The following CLVS1 variants were observed in gnomAD, a reference collection of about 807,000 sequenced individuals.
CLVS1 encodes clavesin 1.
In CLVS1, 10 loss-of-function variants were observed where a neutral mutation model predicts 33.1. The ratio of observed to expected loss-of-function variants is 0.30; its 90% CI spans 0.19 to 0.51. The LOEUF (loss-of-function observed/expected upper bound fraction) is 0.51, where lower values mean the gene tolerates loss of function less well. CLVS1 is among the 20% of genes least tolerant of loss of function. CLVS1 has a pLI of 0.97. For synonymous variants in CLVS1, 163 were observed against 166.1 expected, an observed-to-expected ratio of 0.98 and a Z score of 0.14; for missense variants, 343 against 433.4, an observed-to-expected ratio of 0.79 and a Z score of 1.85.
At chr8:61,378,126 G>A (rs964513707) in intron 3 of CLVS1, 7 of 152,078 alleles carry the variant, frequency 4.6e-5, no homozygotes, top group Admixed American at 2.0e-4. Flanking sequence ...TATATCATGC[G>A]CTTAAATTAT....
the CLVS1 span, among the ~76,000 whole-genome samples, chr8:61,038,595 G>A: frequency 1.1e-4 from 17 of 151,994 alleles, no homozygotes; most frequent in Admixed American, 3.3e-4. Flanking sequence ...AAAAGATTCT[G>A]GATTTCCAGG....
chr8:61,053,488 C>T (rs1391437676), upstream of CLVS1, among the ~76,000 whole-genome samples: 1 of 152,208 alleles, frequency 6.6e-6, no homozygotes, highest in Non-Finnish European at 1.5e-5. Context: ...TCTAAAACGA[C>T]AGTTGGGCAT....
At chr8:61,407,816 A>T (rs1160023207) in intron 3 of CLVS1, among the ~76,000 whole-genome samples, 1 of 152,222 alleles carries the variant, frequency 6.6e-6, no homozygotes, top group Admixed American at 6.5e-5. Flanking sequence ...GAAAAGGGTG[A>T]TCAACAAGAA....
intron 5 of CLVS1, among the ~76,000 whole-genome samples, chr8:61,482,692 G>A (rs11778056): frequency 0.83 from 126,010 of 152,162 alleles, 52,518 homozygotes; most frequent in Non-Finnish European, 0.86. Context: ...GCCTCCAAGA[G>A]GTATGGGACT....
intron 2 of CLVS1, among the ~76,000 whole-genome samples, chr8:61,162,827 G>A (rs181688801): frequency 2.6e-5 from 4 of 152,058 alleles, no homozygotes; most frequent in South Asian, 2.1e-4. Flanking sequence ...TTTATATCTC[G>A]AGAGCCTGGC....
chr8:61,031,410 C>G, the CLVS1 span, among the ~76,000 whole-genome samples: 2 of 152,208 alleles, frequency 1.3e-5, no homozygotes, highest in African/African-American at 4.8e-5. Flanking sequence ...AGCTAACCTG[C>G]CTCCGTTCCC....
At chr8:61,331,926 C>G (rs1159347705) in intron 2 of CLVS1, among the ~76,000 whole-genome samples, 2 of 151,620 alleles carry the variant, frequency 1.3e-5, no homozygotes, top group African/African-American at 2.4e-5. Flanking sequence ...GTCACTGATT[C>G]CTGGCTGACA....
chr8:61,326,407 A>G (rs1397757194), intron 2 of CLVS1, among the ~76,000 whole-genome samples: 1 of 152,170 alleles, frequency 6.6e-6, no homozygotes, highest in Non-Finnish European at 1.5e-5. Context: ...GGAGAGCTTC[A>G]GGTAGTCTTT....
At chr8:61,479,056 G>C (rs145408759) in intron 5 of CLVS1, among the ~76,000 whole-genome samples, 1,701 of 152,178 alleles carry the variant, frequency 0.011, 29 homozygotes, top group African/African-American at 0.038. Flanking sequence ...ACAATTATGT[G>C]TCTTTGAGTT....
At chr8:61,091,322 C>T (rs951495547) in intron 1 of CLVS1, among the ~76,000 whole-genome samples, 3 of 152,172 alleles carry the variant, frequency 2.0e-5, no homozygotes, top group Non-Finnish European at 4.4e-5. Context: ...TTGATTTTAG[C>T]CATAGAGGAC....
rs113094566 is a variant in CLVS1, at chr8:61,385,095, G to A, written c.630+8316G>A. On this transcript the variant is annotated intron_variant, in intron 3 of 5. Transcript: ENST00000325897. Reference sequence around the variant, plus strand: ...GGCATAGAGGAAACCGGAGGAAAGGGAGCAGGAGCATGGTGGTGGAAGAAG... The same window carrying A: ...GGCATAGAGGAAACCGGAGGAAAGGAAGCAGGAGCATGGTGGTGGAAGAAG... 7.4e-3 allele frequency among the ~76,000 whole-genome samples: 1,124 copies of A among 152,258 alleles called. 7 individuals carry two copies. The highest frequency in any genetic ancestry group is 0.013 in the Non-Finnish European group (877 of 68,010).
At chr8:61,444,676 C>T (rs1314210543) in intron 3 of CLVS1, among the ~76,000 whole-genome samples, 3 of 152,120 alleles carry the variant, frequency 2.0e-5, no homozygotes, top group South Asian at 2.1e-4. Flanking sequence ...GGGAAAGCCC[C>T]GAGGTTAGTC....
At chr8:61,419,277 A>G (rs1004193655) in intron 3 of CLVS1, among the ~76,000 whole-genome samples, 1 of 151,534 alleles carries the variant, frequency 6.6e-6, no homozygotes, top group African/African-American at 2.4e-5. Flanking sequence ...GCTGCCTGTA[A>G]TCCCAGCTAC....
intron 2 of CLVS1, among the ~76,000 whole-genome samples, chr8:61,154,073 G>A (rs910802451): frequency 6.6e-6 from 1 of 152,142 alleles, no homozygotes; most frequent in African/African-American, 2.4e-5. Context: ...AGCGGCAAAA[G>A]GAAACCCAAG....
chr8:61,501,178 C>CTT lies in CLVS1; in HGVS notation c.*1639_*1640dup, dbSNP rs1284441558. The CTT allele has an allele frequency of 6.6e-6, 1 of 152,056 alleles. No homozygotes were observed. The highest frequency in any genetic ancestry group is 2.4e-5 in the African/African-American group (1 of 41,426). The allele number at this position is 152,056 out of a possible 1,614,324, so 9.4% of individuals were successfully genotyped here. On this transcript the variant is annotated 3_prime_UTR_variant, in exon 6 of 6. Coordinates refer to ENST00000325897, the MANE Select transcript of CLVS1 (RefSeq NM_173519.3). Reference sequence around the variant, plus strand: ...TTCTACCAATGCAGTGATGGAAACACTTTTCTTATGTACCAAGACATAGAT... The same window carrying CTT: ...TTCTACCAATGCAGTGATGGAAACACTTTTTTCTTATGTACCAAGACATAGAT...
At chr8:61,474,871 G>A (rs1817859160) in intron 5 of CLVS1, among the ~76,000 whole-genome samples, 1 of 152,094 alleles carries the variant, frequency 6.6e-6, no homozygotes, top group South Asian at 2.1e-4. Context: ...ATGTATACAT[G>A]TGCCATGTTG....
At chr8:61,036,897 T>A in the CLVS1 span, among the ~76,000 whole-genome samples, 10 of 152,198 alleles carry the variant, frequency 6.6e-5, no homozygotes, top group Non-Finnish European at 1.3e-4. Context: ...TCTCCAGCCA[T>A]CCATTCGAGG....
chr8:61,054,276 C>T (rs1044588196), upstream of CLVS1, among the ~76,000 whole-genome samples: 17 of 152,170 alleles, frequency 1.1e-4, no homozygotes, highest in Non-Finnish European at 5.9e-5. Context: ...GGCCTGGAAT[C>T]TGGGGCAAGG....
At chr8:61,119,956 C>A (rs1479702880) in intron 1 of CLVS1, among the ~76,000 whole-genome samples, 1 of 141,984 alleles carries the variant, frequency 7.0e-6, no homozygotes, top group Admixed American at 6.8e-5. Flanking sequence ...TGGATAATAT[C>A]CTGCAGAGTG....
Sources: allele counts gnomAD v4.1 joint callset (sites outside exome capture counted in the v4.1 genomes callset), GRCh38; gene constraint gnomAD v4.1.1; transcripts MANE v1.5; gene names NCBI Gene and HGNC (gene_info 2026-07-23, HGNC 2026-07-21).